The following EGFR variants were observed in gnomAD, a reference collection of about 807,000 sequenced individuals.
The protein encoded by EGFR is epidermal growth factor receptor.
In EGFR, 58 loss-of-function variants were observed where a neutral mutation model predicts 143.0. That is an observed-to-expected ratio of 0.41 (90% confidence interval 0.33 to 0.50). The LOEUF (loss-of-function observed/expected upper bound fraction) is 0.50. Among genes scored for constraint, EGFR ranks in the 20% least tolerant of loss-of-function variants. EGFR has a pLI of 0.39. For missense variants in EGFR, 1,307 were observed against 1,579.0 expected, an observed-to-expected ratio of 0.83 and a Z score of 2.92; for synonymous variants, 613 against 594.4, an observed-to-expected ratio of 1.03 and a Z score of -0.45.
chr7:55,058,213 G>C (rs1788949434), intron 1 of EGFR, among the ~76,000 whole-genome samples: 5 of 152,200 alleles, frequency 3.3e-5, no homozygotes, highest in Admixed American at 3.3e-4. Context: ...GGCCAAGATG[G>C]TGAAACCTCA....
intron 1 of EGFR, among the ~76,000 whole-genome samples, chr7:55,103,118 T>C (rs1218337601): frequency 6.6e-6 from 1 of 152,216 alleles, no homozygotes; most frequent in East Asian, 1.9e-4. Flanking sequence ...GAACTCTTAG[T>C]GCAGTTTCAG....
At position 55,099,540 on chromosome 7, in the gene EGFR, T is replaced by C. The variant is rs7781757; in HGVS notation, c.89-42746T>C. Among the ~76,000 whole-genome samples the C allele has an allele frequency of 6.6e-3, 1,005 of 152,206 alleles. 5 individuals are homozygous for C. The highest frequency in any genetic ancestry group is 0.01 in the Non-Finnish European group (711 of 67,994). ...ATGGAGGGGGGAATTCGGGAGCTGG[T>C]TGGAAAAGAGTATTTGGCACTTTGC... On this transcript the variant is annotated intron_variant, in intron 1 of 27. Transcript: ENST00000275493.
chr7:55,090,114 A>G (rs946305207), intron 1 of EGFR, among the ~76,000 whole-genome samples: 5 of 152,066 alleles, frequency 3.3e-5, no homozygotes, highest in African/African-American at 1.2e-4. Flanking sequence ...GATTACAGGC[A>G]CGTGCCACCA....
In EGFR at chr7:55,154,027, G is replaced by A. The variant is rs372202099; in HGVS notation, c.764G>A (p.Arg255Gln). ...ESDCLVCRKF[R>Q]DEATCKDTCP... ...CCTCCATAGGTCTGCCGCAAATTCC[G>A]AGACGAAGCCACGTGCAAGGACACC... The change falls in exon 7 of 28, where the codon CGA becomes CAA. Residue 255 changes from arginine (R) to glutamine (Q), a missense_variant. Arg to Gln is a conservative substitution (Grantham distance 43). This residue lies in a region of EGFR where 311 missense variants were observed against 412.3 expected (regional missense o/e 0.75). Transcript: ENST00000275493. 31 of 1,614,042 alleles carry A rather than the reference G, an allele frequency of 1.9e-5. No homozygotes were observed. The Middle Eastern group carries it at 4.9e-4, about 26-fold the overall frequency.
At chr7:55,144,866 CG>C (rs2128928444) in intron 3 of EGFR, among the ~76,000 whole-genome samples, 1 of 152,254 alleles carries the variant, frequency 6.6e-6, no homozygotes, top group Admixed American at 6.5e-5. Context: ...GTCTCTGTTT[CG>C]TCATCTTCAA....
intron 12 of EGFR, 67 bp from the exon 13 acceptor site, chr7:55,161,432 C>T (rs2128942492): frequency 1.3e-6 from 2 of 1,558,032 alleles, no homozygotes; most frequent in Non-Finnish European, 8.6e-7. Context: ...CGGGAAGGTG[C>T]CGTCTCCTCC....
chr7:55,199,116 A>G (rs564867770), intron 23 of EGFR, among the ~76,000 whole-genome samples: 67 of 152,372 alleles, frequency 4.4e-4, no homozygotes, highest in African/African-American at 1.5e-3. Context: ...TCCGCAAGCC[A>G]TTACACCAAA....
At chr7:55,090,372 C>G (rs951497477) in intron 1 of EGFR, among the ~76,000 whole-genome samples, 6 of 152,170 alleles carry the variant, frequency 3.9e-5, no homozygotes, top group African/African-American at 1.4e-4. Flanking sequence ...CAAAGGCCAC[C>G]AGCCAAGGTC....
chr7:55,088,167 A>C (rs1348234292), intron 1 of EGFR, among the ~76,000 whole-genome samples: 4 of 152,170 alleles, frequency 2.6e-5, no homozygotes, highest in African/African-American at 4.8e-5. Flanking sequence ...CCTGAGGTAC[A>C]TGGAAAGGAG....
chr7:55,155,820 T>C lies in EGFR; in HGVS notation c.890-10T>C, dbSNP rs2128937295. 6.2e-7 allele frequency: 1 copy of C among 1,613,102 alleles called. No homozygotes were observed. The highest frequency in any genetic ancestry group is 8.5e-7 in the Non-Finnish European group (1 of 1,179,058). On this transcript the variant is annotated splice_polypyrimidine_tract_variant and intron_variant, in intron 7 of 27. Transcript: ENST00000275493. ...CCGTCATCACCTTCCTTTCATGCTC[T>C]CTTCCCCAGGTAATTATGTGGTGAC... is the stretch of plus-strand genomic sequence containing the variant.
At chr7:55,105,750 A>G (rs1369569094) in intron 1 of EGFR, among the ~76,000 whole-genome samples, 1 of 152,196 alleles carries the variant, frequency 6.6e-6, no homozygotes. Context: ...AAGAACTCTG[A>G]TTTCATCCTA....
chr7:55,020,461 C>T (rs976733700), intron 1 of EGFR, among the ~76,000 whole-genome samples: 3 of 152,160 alleles, frequency 2.0e-5, no homozygotes, highest in African/African-American at 7.2e-5. Context: ...AAATGGGGCT[C>T]ACAGCAAACT....
intron 1 of EGFR, among the ~76,000 whole-genome samples, chr7:55,069,257 G>C (rs1051382440): frequency 6.6e-6 from 1 of 152,152 alleles, no homozygotes; most frequent in Non-Finnish European, 1.5e-5. Context: ...ATTTTATCGA[G>C]GTGGCCCTTG....
chr7:55,081,283 C>G (rs1790448586), intron 1 of EGFR, among the ~76,000 whole-genome samples: 1 of 152,170 alleles, frequency 6.6e-6, no homozygotes, highest in South Asian at 2.1e-4. Flanking sequence ...ACAGTCTGGG[C>G]CAGGGCCACA....
chr7:55,114,001 G>A (rs2128909338), intron 1 of EGFR, among the ~76,000 whole-genome samples: 1 of 152,308 alleles, frequency 6.6e-6, no homozygotes, highest in African/African-American at 2.4e-5. Flanking sequence ...TGGCCAGGGT[G>A]GGAAGCACTG....
At chr7:55,022,157 C>T (rs542900989) in intron 1 of EGFR, among the ~76,000 whole-genome samples, 1 of 152,266 alleles carries the variant, frequency 6.6e-6, no homozygotes, top group South Asian at 2.1e-4. Flanking sequence ...GCTTAGTCCT[C>T]AGTTCAGTGA....
intron 1 of EGFR, among the ~76,000 whole-genome samples, chr7:55,073,366 C>G (rs1299428922): frequency 6.6e-6 from 1 of 152,132 alleles, no homozygotes; most frequent in South Asian, 2.1e-4. Flanking sequence ...TTTTTTGTGA[C>G]TATAGAATGA....
At chr7:55,181,087 GGGGCCC>G in intron 19 of EGFR, 200 bp from the exon 20 acceptor site, 1 of 646,056 alleles carries the variant, frequency 1.5e-6, no homozygotes, top group South Asian at 1.9e-5. Flanking sequence ...GCACCCAGGA[GGGGCCC>G]TCTCCCACTG....
intron 7 of EGFR, among the ~76,000 whole-genome samples, chr7:55,154,712 T>TG (rs1047065127): frequency 2.0e-5 from 3 of 152,254 alleles, no homozygotes; most frequent in African/African-American, 7.2e-5. Context: ...ACATTTGTAC[T>TG]GGTGGCTCCA....
Sources: gnomAD v4.1 joint callset for allele counts (sites outside exome capture counted in the v4.1 genomes callset) on GRCh38, gnomAD v4.1.1 for gene constraint, gnomAD v4.1.1 regional missense constraint, MANE v1.5 for transcripts, NCBI Gene and HGNC (gene_info 2026-07-23, HGNC 2026-07-21) for gene names.